BAALC: variants seen among roughly 807,000 people sequenced by gnomAD.
BAALC encodes BAALC binder of MAP3K1 and KLF4, also known as brain and acute leukemia cytoplasmic protein.
A neutral mutation model predicts 15.5 loss-of-function variants in BAALC; 9 were observed. The observed-to-expected ratio is 0.58, with a 90% confidence interval of 0.35 to 1.02. The LOEUF (loss-of-function observed/expected upper bound fraction) is 1.02. Among genes scored for constraint, BAALC ranks in the 50% least tolerant of loss-of-function variants. The pLI, the probability that BAALC is intolerant of heterozygous loss-of-function variation, is 0.02. For synonymous variants in BAALC, 80 were observed against 74.6 expected (o/e 1.07, Z -0.37); for missense variants, 201 against 192.4 (o/e 1.04, Z -0.27).
chr8:103,199,443 A>T (rs527467337), intron 1 of BAALC, among the ~76,000 whole-genome samples: 1 of 152,158 alleles, frequency 6.6e-6, no homozygotes, highest in Non-Finnish European at 1.5e-5. Context: ...CAGATACATA[A>T]AGGGTTCAGA....
At chr8:103,211,956 T>C (rs747905617) in intron 1 of BAALC, among the ~76,000 whole-genome samples, 2 of 152,234 alleles carry the variant, frequency 1.3e-5, no homozygotes, top group African/African-American at 4.8e-5. Context: ...GACATCATAC[T>C]TGGCATTCCC....
At chr8:103,193,564 TGATGGGAGCAAATA>T (rs1429677764) in intron 1 of BAALC, among the ~76,000 whole-genome samples, 2 of 152,198 alleles carry the variant, frequency 1.3e-5, no homozygotes, top group African/African-American at 4.8e-5. Context: ...CTTTCTTCTT[TGATGGGAGCAAATA>T]GATGGGAGCA....
intron 1 of BAALC, among the ~76,000 whole-genome samples, chr8:103,149,873 C>T (rs1207978403): frequency 6.6e-6 from 1 of 152,186 alleles, no homozygotes; most frequent in South Asian, 2.1e-4. Context: ...ACCTCCCCCT[C>T]AAGCCCCCAC....
At chr8:103,161,021 C>A (rs941086053) in intron 1 of BAALC, among the ~76,000 whole-genome samples, 10 of 152,148 alleles carry the variant, frequency 6.6e-5, no homozygotes, top group African/African-American at 2.4e-4. Context: ...TCAGTATTAA[C>A]CATCACAGTG....
In BAALC at chr8:103,184,363, C is replaced by T. The variant is rs565029167; in HGVS notation, c.161-28556C>T. Among the ~76,000 whole-genome samples, 10 of 152,298 alleles carry T rather than the reference C, an allele frequency of 6.6e-5. No homozygotes were observed. In the East Asian group the frequency reaches 1.9e-3, roughly 29 times the overall value. On this transcript the variant is annotated intron_variant, in intron 1 of 2. Transcript: ENST00000309982. ...TGGGACCGAGGGTTATTCTGCCTTC[C>T]TACCATGTCACCAGAGTTGTGCTAA...
At chr8:103,184,989 G>A (rs759088819) in intron 1 of BAALC, among the ~76,000 whole-genome samples, 1 of 152,110 alleles carries the variant, frequency 6.6e-6, no homozygotes. Context: ...CCTTGGGCAC[G>A]GTGACATGAT....
chr8:103,160,460 C>T (rs1811199937), intron 1 of BAALC, among the ~76,000 whole-genome samples: 1 of 152,084 alleles, frequency 6.6e-6, no homozygotes, highest in Non-Finnish European at 1.5e-5. Context: ...TATTTTCCTG[C>T]CTCAGTGTGA....
At chr8:103,147,665 G>A (rs1375305974) in intron 1 of BAALC, among the ~76,000 whole-genome samples, 1 of 152,122 alleles carries the variant, frequency 6.6e-6, no homozygotes, top group East Asian at 1.9e-4. Context: ...TTCTGCCCTT[G>A]TGAAGTTGGG....
intron 1 of BAALC, among the ~76,000 whole-genome samples, chr8:103,194,179 T>G (rs1036485596): frequency 6.6e-6 from 1 of 152,202 alleles, no homozygotes; most frequent in Admixed American, 6.5e-5. Flanking sequence ...TCTCCATCCC[T>G]TTTCCACCTA....
In BAALC at chr8:103,140,854, G is replaced by A; in HGVS notation, c.-44G>A. The A allele has an allele frequency of 1.4e-6, 2 of 1,444,940 alleles. No homozygotes were observed. Among genetic ancestry groups the A allele is most frequent in the Non-Finnish European group, 1.8e-6 (2 of 1,098,368 alleles). 89.5% of individuals were successfully genotyped at this position (1,444,940 alleles called of 1,614,324 possible). A position where few individuals can be genotyped will look rare whatever the true frequency, so the allele number is the denominator to read the frequency against. ...CCTCCGGGGCTGAGCCGCCGCCAGA[G>A]CCGACAGCCGAGCAGCCGCTGGGCG... On this transcript the variant is annotated 5_prime_UTR_variant, in exon 1 of 3. Transcript: ENST00000309982. The surrounding 1 kb of genome is among the most constrained non-coding windows in gnomAD (Gnocchi z 4.2).
At chr8:103,179,414 A>G (rs1811677757) in intron 1 of BAALC, among the ~76,000 whole-genome samples, 1 of 152,198 alleles carries the variant, frequency 6.6e-6, no homozygotes, top group South Asian at 2.1e-4. Context: ...CATTATCCCA[A>G]TCTCTGGATA....
At chr8:103,186,640 G>T (rs1811844852) in intron 1 of BAALC, among the ~76,000 whole-genome samples, 1 of 151,988 alleles carries the variant, frequency 6.6e-6, no homozygotes, top group South Asian at 2.1e-4. Flanking sequence ...GATTAAATTT[G>T]CCCAGGAAAC....
At chr8:103,141,881 ATTTTATTT>A (rs1009417813) in intron 1 of BAALC, among the ~76,000 whole-genome samples, 1 of 152,196 alleles carries the variant, frequency 6.6e-6, no homozygotes, top group African/African-American at 2.4e-5. Context: ...ATTTTATTTT[ATTTTATTT>A]TTTTATTTTT....
In BAALC at chr8:103,147,915, G is replaced by A. The variant is rs114960664; in HGVS notation, c.160+6858G>A. Among the ~76,000 whole-genome samples, 1,184 of 152,234 alleles carry A rather than the reference G, an allele frequency of 7.8e-3. 23 individuals carry two copies. The highest frequency in any genetic ancestry group is 0.027 in the African/African-American group (1,139 of 41,540). The stretch of plus-strand genomic sequence containing the variant: ...ATCATGATATAGCTCCTGCTAGCTT[G>A]GCTACCAGGAACGCTTGCTTCCTCA... On this transcript the variant is annotated intron_variant, in intron 1 of 2. Coordinates refer to ENST00000309982, the MANE Select transcript of BAALC (RefSeq NM_024812.3).
chr8:103,159,829 A>G (rs1224548512), intron 1 of BAALC, among the ~76,000 whole-genome samples: 1 of 152,000 alleles, frequency 6.6e-6, no homozygotes, highest in Non-Finnish European at 1.5e-5. Context: ...TTCTCTAAGG[A>G]GCCCTGGTTC....
At chr8:103,209,343 C>T (rs1225135785) in intron 1 of BAALC, among the ~76,000 whole-genome samples, 1 of 152,034 alleles carries the variant, frequency 6.6e-6, no homozygotes, top group Non-Finnish European at 1.5e-5. Flanking sequence ...CTGCACTCCA[C>T]CCTGGGCAAC....
intron 2 of BAALC, among the ~76,000 whole-genome samples, chr8:103,222,223 T>C (rs1303730470): frequency 6.6e-6 from 1 of 152,102 alleles, no homozygotes; most frequent in East Asian, 1.9e-4. Flanking sequence ...TACAGACTTA[T>C]AGGGGTGGCT....
At chr8:103,199,744 T>G (rs531781835) in intron 1 of BAALC, among the ~76,000 whole-genome samples, 1 of 152,146 alleles carries the variant, frequency 6.6e-6, no homozygotes, top group Admixed American at 6.6e-5. Flanking sequence ...TTGTACAGAT[T>G]ATTTCATTAC....
chr8:103,177,327 G>C (rs775433449), intron 1 of BAALC, among the ~76,000 whole-genome samples: 3 of 151,916 alleles, frequency 2.0e-5, no homozygotes, highest in Non-Finnish European at 4.4e-5. Flanking sequence ...TGAGACTACT[G>C]GTGTGCACCA....
Sources: gnomAD v4.1 joint callset for allele counts (sites outside exome capture counted in the v4.1 genomes callset) on GRCh38, gnomAD v4.1.1 for gene constraint, Gnocchi (gnomAD v3.1) non-coding constraint, MANE v1.5 for transcripts, NCBI Gene and HGNC (gene_info 2026-07-23, HGNC 2026-07-21) for gene names.